Variants in BANP observed in about 807,000 individuals in gnomAD.
BANP encodes BTG3 associated nuclear protein.
In BANP, 11 loss-of-function variants were observed where a neutral mutation model predicts 68.1. The observed-to-expected ratio is 0.16, with a 90% CI of 0.10 to 0.27. The LOEUF (loss-of-function observed/expected upper bound fraction) is 0.27. BANP is among the 10% of genes least tolerant of loss of function. BANP has a pLI of 1.00. For missense variants in BANP, 504 were observed against 722.7 expected (o/e 0.70, Z 3.47); for synonymous variants, 329 against 303.2 (o/e 1.09, Z -0.88).
In BANP at chr16:87,963,020, C is replaced by T. The variant is rs183140231; in HGVS notation, c.-69+11505C>T. Among the ~76,000 whole-genome samples, 121 of 152,240 alleles carry T rather than the reference C, an allele frequency of 7.9e-4. 2 individuals are homozygous for T. In the South Asian group the frequency reaches 0.01, roughly 13 times the overall value. On this transcript the variant is annotated intron_variant, in intron 1 of 13. Coordinates refer to ENST00000682872, the MANE Select transcript of BANP (RefSeq NM_001386991.1). ...GAATGATTAATTTCTTAGCAGTTTC[C>T]TCGTTTCGGGAGATTTAGCTTTTTA...
At chr16:88,049,096 G>T (rs2082671969) in intron 11 of BANP, among the ~76,000 whole-genome samples, 1 of 152,108 alleles carries the variant, frequency 6.6e-6, no homozygotes, top group Admixed American at 6.5e-5. Context: ...CCAGCTGGGT[G>T]TCCTCTAATT....
chr16:87,982,023 T>G (rs1157105766), intron 3 of BANP, among the ~76,000 whole-genome samples: 1 of 152,236 alleles, frequency 6.6e-6, no homozygotes, highest in African/African-American at 2.4e-5. Context: ...ATTTAATTTG[T>G]TTTGTTAACA....
chr16:87,978,711 T>A (rs1482352335), intron 2 of BANP: 2 of 466,544 alleles, frequency 4.3e-6, no homozygotes, highest in Non-Finnish European at 8.8e-6. Flanking sequence ...CTTAAAGTTT[T>A]TAACAGTAAT....
chr16:88,023,665 C>T (rs1237089117), intron 7 of BANP, among the ~76,000 whole-genome samples: 2 of 152,208 alleles, frequency 1.3e-5, no homozygotes, highest in African/African-American at 2.4e-5. Flanking sequence ...TCTCTCATCT[C>T]GCTTCCCACA....
At chr16:87,987,574 A>C (rs1485839149) in intron 4 of BANP, among the ~76,000 whole-genome samples, 1 of 151,772 alleles carries the variant, frequency 6.6e-6, no homozygotes, top group Non-Finnish European at 1.5e-5. Flanking sequence ...AAAAATAAAA[A>C]AAATTAGCTG....
chr16:88,075,777 G>A (rs1422272134), intron 13 of BANP, among the ~76,000 whole-genome samples: 1 of 134,342 alleles, frequency 7.4e-6, no homozygotes, highest in African/African-American at 2.8e-5. Flanking sequence ...GATGGAGTCT[G>A]GCTCTGTTGC....
intron 8 of BANP, among the ~76,000 whole-genome samples, chr16:88,032,203 C>G (rs1352088591): frequency 6.6e-6 from 1 of 151,842 alleles, no homozygotes; most frequent in Non-Finnish European, 1.5e-5. Flanking sequence ...CTTACTGCTT[C>G]CCTCCCCTGT....
intron 4 of BANP, 129 bp downstream of exon 4, chr16:87,984,388 C>T: frequency 9.3e-7 from 1 of 1,079,816 alleles, no homozygotes; most frequent in Non-Finnish European, 1.3e-6. Flanking sequence ...GCAGTCTCAG[C>T]AGTTTCTAAC....
At chr16:87,975,552 C>G (rs1340920605) in intron 2 of BANP, among the ~76,000 whole-genome samples, 1 of 150,038 alleles carries the variant, frequency 6.7e-6, no homozygotes, top group South Asian at 2.1e-4. Context: ...TGGAACCTTA[C>G]CATGTTGTGT....
At chr16:87,979,386 G>A (rs1220419202) in intron 2 of BANP, among the ~76,000 whole-genome samples, 2 of 152,180 alleles carry the variant, frequency 1.3e-5, no homozygotes, top group Non-Finnish European at 2.9e-5. Flanking sequence ...CTGCTGTGGG[G>A]TGGGTGCTGT....
At chr16:88,053,073 T>C (rs939765965) in intron 11 of BANP, among the ~76,000 whole-genome samples, 26 of 72,650 alleles carry the variant, frequency 3.6e-4, no homozygotes, top group East Asian at 1.7e-3. Flanking sequence ...TCTCCATCAT[T>C]ATCACCAACC....
In BANP at chr16:88,027,905, A is replaced by T. The variant is rs541438692; in HGVS notation, c.1063+255A>T. Among the ~76,000 whole-genome samples the T allele has an allele frequency of 5.3e-5, 8 of 152,360 alleles. No individual in the cohort carries two copies. The South Asian group carries it at 1.7e-3, about 32-fold the overall frequency. Reference sequence around the variant, plus strand: ...CAGAGGGCCTGTTGGGCCTCCCGGAAGTCTTCTGGATGGGGGCAAGGAGGC... The same window carrying T: ...CAGAGGGCCTGTTGGGCCTCCCGGATGTCTTCTGGATGGGGGCAAGGAGGC... On this transcript the variant is annotated intron_variant, in intron 8 of 13. Transcript: ENST00000682872.
At position 88,036,443 on chromosome 16, in the gene BANP, G is replaced by A. The variant is rs563736375; in HGVS notation, c.1272+1049G>A. Among the ~76,000 whole-genome samples the A allele has an allele frequency of 2.6e-5, 4 of 152,270 alleles. No homozygotes were observed. In the East Asian group the frequency reaches 7.7e-4, roughly 29 times the overall value. Reference sequence around the variant, plus strand: ...GAAGCCCTGCCATCGGGGACTCACAGCGGGCGCAGAGCCTCCTGCCCAAGT... The same window carrying A: ...GAAGCCCTGCCATCGGGGACTCACAACGGGCGCAGAGCCTCCTGCCCAAGT... On this transcript the variant is annotated intron_variant, in intron 10 of 13. Coordinates refer to ENST00000682872, the MANE Select transcript of BANP (RefSeq NM_001386991.1). This position sits in a 1 kb window ranked among gnomAD's most constrained non-coding sequence, Gnocchi z 4.2.
intron 6 of BANP, among the ~76,000 whole-genome samples, chr16:88,011,619 G>C (rs6540139): frequency 0.94 from 142,225 of 152,068 alleles, 67,272 homozygotes; most frequent in East Asian, 1. Flanking sequence ...TGTTTAGTTT[G>C]TAAACTGAGG....
intron 4 of BANP, among the ~76,000 whole-genome samples, chr16:87,999,253 T>C (rs71383680): frequency 7.5e-6 from 1 of 133,934 alleles, no homozygotes; most frequent in African/African-American, 2.8e-5. Flanking sequence ...CGGCTGTACT[T>C]ACCTGTCCTT....
At chr16:87,980,870 G>C (rs1010825657) in intron 2 of BANP, 166 bp from the exon 3 acceptor site, 2 of 594,142 alleles carry the variant, frequency 3.4e-6, no homozygotes, top group East Asian at 2.9e-5. Context: ...GAGTTATCCT[G>C]TTTTTCTGCC....
chr16:88,063,388 G>A (rs2087473383), intron 11 of BANP, among the ~76,000 whole-genome samples: 1 of 152,210 alleles, frequency 6.6e-6, no homozygotes, highest in South Asian at 2.1e-4. Context: ...GCCCGGCTCA[G>A]CGCCCTTGCT....
chr16:87,953,953 C>G (rs537830466), intron 1 of BANP, among the ~76,000 whole-genome samples: 1 of 152,342 alleles, frequency 6.6e-6, no homozygotes, highest in South Asian at 2.1e-4. Flanking sequence ...CCTGAACGCT[C>G]TTGGATCTTC....
At chr16:87,964,077 C>T (rs1163249074) in intron 1 of BANP, among the ~76,000 whole-genome samples, 1 of 152,226 alleles carries the variant, frequency 6.6e-6, no homozygotes, top group Admixed American at 6.5e-5. Flanking sequence ...CATTCATGAA[C>T]TGAGTAGTTA....
Sources: allele counts gnomAD v4.1 joint callset (sites outside exome capture counted in the v4.1 genomes callset), GRCh38; gene constraint gnomAD v4.1.1; non-coding constraint Gnocchi (gnomAD v3.1); transcripts MANE v1.5; gene names NCBI Gene and HGNC (gene_info 2026-07-23, HGNC 2026-07-21).